ELP4: variants seen among roughly 807,000 people sequenced by gnomAD.
The protein encoded by ELP4 is elongator complex protein 4.
A neutral mutation model predicts 48.9 loss-of-function variants in ELP4; 51 were observed. The ratio of observed to expected loss-of-function variants is 1.04; its 90% CI spans 0.83 to 1.32. The LOEUF is 1.32. ELP4 is among the 40% of genes most tolerant of loss of function. ELP4 has a pLI of 0.00. For missense variants in ELP4, 519 were observed against 514.6 expected (o/e 1.01, Z -0.08); for synonymous variants, 210 against 189.2 (o/e 1.11, Z -0.90).
intron 3 of ELP4, among the ~76,000 whole-genome samples, chr11:31,546,324 G>A (rs919856713): frequency 9.9e-5 from 15 of 151,890 alleles, no homozygotes; most frequent in African/African-American, 3.6e-4. Flanking sequence ...AAAAAGGCAG[G>A]GGTTGCAATC....
intron 2 of ELP4, among the ~76,000 whole-genome samples, chr11:31,521,632 T>C (rs896569628): frequency 2.0e-5 from 3 of 152,154 alleles, no homozygotes; most frequent in African/African-American, 7.2e-5. Flanking sequence ...CATGAAGGAA[T>C]CCTTGATAAA....
chr11:31,556,437 G>A (rs923402110), intron 3 of ELP4, among the ~76,000 whole-genome samples: 1 of 149,688 alleles, frequency 6.7e-6, no homozygotes, highest in African/African-American at 2.5e-5. Context: ...TTAGTAGACT[G>A]ATTTTTTATG....
chr11:31,580,189 G>A (rs1449711739), intron 3 of ELP4, among the ~76,000 whole-genome samples: 1 of 152,122 alleles, frequency 6.6e-6, no homozygotes, highest in Non-Finnish European at 1.5e-5. Context: ...TATTCCAAAT[G>A]AACTATCTTT....
At chr11:31,651,914 G>A (rs1473657502) in intron 9 of ELP4, 1 of 151,624 alleles carries the variant, frequency 6.6e-6, no homozygotes, top group African/African-American at 2.4e-5. Flanking sequence ...GGAGTTGAGG[G>A]AAAGAGAGAA....
chr11:31,560,446 A>C (rs2984811), intron 3 of ELP4, among the ~76,000 whole-genome samples: 54,518 of 151,400 alleles, frequency 0.36, 12,110 homozygotes, highest in African/African-American at 0.63. Context: ...CAGACATAGA[A>C]TCTTTCTATA....
At chr11:31,657,650 A>G (rs997127360) in intron 9 of ELP4, among the ~76,000 whole-genome samples, 18 of 151,996 alleles carry the variant, frequency 1.2e-4, no homozygotes, top group Middle Eastern at 3.4e-3. Flanking sequence ...ACATTATTAT[A>G]TTTAATTTTA....
intron 2 of ELP4, among the ~76,000 whole-genome samples, chr11:31,523,309 A>C (rs1210423391): frequency 6.6e-6 from 1 of 152,208 alleles, no homozygotes; most frequent in African/African-American, 2.4e-5. Flanking sequence ...CTATGGTATT[A>C]CTATATTGCT....
chr11:31,566,775 A>G (rs1342286209), intron 3 of ELP4, among the ~76,000 whole-genome samples: 3 of 152,174 alleles, frequency 2.0e-5, no homozygotes, highest in Admixed American at 1.3e-4. Flanking sequence ...GAACGTTTCT[A>G]TTCACTTAAA....
At chr11:31,721,819 T>C (rs1205411320) in intron 9 of ELP4, among the ~76,000 whole-genome samples, 1 of 152,234 alleles carries the variant, frequency 6.6e-6, no homozygotes, top group Non-Finnish European at 1.5e-5. Context: ...GATACGTTTA[T>C]TTTGTTTCTA....
At chr11:31,763,425 C>T in intron 9 of ELP4, 2 of 1,607,436 alleles carry the variant, frequency 1.2e-6, no homozygotes, top group Non-Finnish European at 1.7e-6. Context: ...TGCAAGACAA[C>T]TACTTGAGAC....
At chr11:31,731,277 A>G (rs1181930959) in intron 9 of ELP4, among the ~76,000 whole-genome samples, 2 of 152,234 alleles carry the variant, frequency 1.3e-5, no homozygotes, top group African/African-American at 4.8e-5. Context: ...CAAAGAATTC[A>G]AGGTAACCAT....
Position 31,627,318 on chromosome 11 carries a change from A to G in ELP4, c.738+124A>G, listed in dbSNP as rs188184995. The G allele has an allele frequency of 3.8e-5, 23 of 601,624 alleles. No individual in the cohort carries two copies. In the African/African-American group the frequency reaches 4.3e-4, roughly 11 times the overall value. The allele number at this position is 601,624 out of a possible 1,614,324, so 37.3% of individuals were successfully genotyped here. A position where few individuals can be genotyped will look rare whatever the true frequency, so the allele number is the denominator to read the frequency against. Reference sequence around the variant, plus strand: ...AACAGTGAACAAGCTGTTTTCAAGCACAGAACATGTACATAAGCAGAGCAC... The same window carrying G: ...AACAGTGAACAAGCTGTTTTCAAGCGCAGAACATGTACATAAGCAGAGCAC... On this transcript the variant is annotated intron_variant, in intron 6 of 9. Coordinates refer to ENST00000640961, the MANE Select transcript of ELP4 (RefSeq NM_019040.5).
At chr11:31,753,961 G>A (rs958118523) in intron 9 of ELP4, among the ~76,000 whole-genome samples, 2 of 152,192 alleles carry the variant, frequency 1.3e-5, no homozygotes, top group African/African-American at 4.8e-5. Context: ...TGAAGCAAGT[G>A]TGACCAAATG....
chr11:31,671,222 T>A (rs1034746587), intron 9 of ELP4, among the ~76,000 whole-genome samples: 9 of 152,328 alleles, frequency 5.9e-5, no homozygotes, highest in Admixed American at 5.9e-4. Flanking sequence ...ATACGTTGAA[T>A]CACAACTATC....
At chr11:31,695,817 AG>A (rs1946392185) in intron 9 of ELP4, among the ~76,000 whole-genome samples, 1 of 111,884 alleles carries the variant, frequency 8.9e-6, no homozygotes, top group Admixed American at 9.9e-5. Flanking sequence ...TTGGTTGGTA[AG>A]CTATTGATTA....
intron 9 of ELP4, among the ~76,000 whole-genome samples, chr11:31,735,414 C>G (rs953033033): frequency 1.3e-5 from 2 of 152,172 alleles, no homozygotes; most frequent in Admixed American, 6.5e-5. Flanking sequence ...AAAGCTGGCA[C>G]AAGACAGGGA....
intron 9 of ELP4, chr11:31,662,750 A>C: frequency 2.6e-6 from 1 of 391,654 alleles, no homozygotes; most frequent in Non-Finnish European, 4.5e-6. Flanking sequence ...TGTAATTTGC[A>C]CTTGTAGAAT....
intron 3 of ELP4, among the ~76,000 whole-genome samples, chr11:31,575,199 G>A (rs1428744352): frequency 6.6e-6 from 1 of 152,184 alleles, no homozygotes; most frequent in East Asian, 1.9e-4. Flanking sequence ...AGTGATTGAA[G>A]AGCAAATGAA....
intron 7 of ELP4, among the ~76,000 whole-genome samples, chr11:31,642,252 G>A (rs180964092): frequency 1.7e-3 from 253 of 151,920 alleles, no homozygotes; most frequent in African/African-American, 5.4e-3. Flanking sequence ...TAAATGTTCT[G>A]CAAAGTATGT....
Sources: gnomAD v4.1 joint callset for allele counts (sites outside exome capture counted in the v4.1 genomes callset) on GRCh38, gnomAD v4.1.1 for gene constraint, MANE v1.5 for transcripts, NCBI Gene and HGNC (gene_info 2026-07-23, HGNC 2026-07-21) for gene names.